TNR: variants seen among roughly 807,000 people sequenced by gnomAD.
TNR encodes tenascin R.
Under a neutral mutation model 150.4 loss-of-function variants are expected in TNR, and 45 were observed. The ratio of observed to expected loss-of-function variants is 0.30; its 90% CI spans 0.24 to 0.38. The LOEUF (loss-of-function observed/expected upper bound fraction) is 0.38. Among genes scored for constraint, TNR ranks in the 10% least tolerant of loss-of-function variants. The pLI is 1.00. For missense variants in TNR, 1,544 were observed against 1,759.1 expected (o/e 0.88, Z 2.19); for synonymous variants, 687 against 678.4 (o/e 1.01, Z -0.20).
chr1:175,485,795 T>C (rs571948074), intron 2 of TNR, among the ~76,000 whole-genome samples: 158 of 152,310 alleles, frequency 1.0e-3, no homozygotes, highest in African/African-American at 3.6e-3. Context: ...GAGCTTGCAA[T>C]GGCTCAGACT....
chr1:175,448,542 G>A (rs1571454680), intron 2 of TNR, among the ~76,000 whole-genome samples: 1 of 152,176 alleles, frequency 6.6e-6, no homozygotes, highest in Admixed American at 6.5e-5. Context: ...CCAGTCTGGT[G>A]GTCAGCAGCT....
intron 2 of TNR, among the ~76,000 whole-genome samples, chr1:175,431,559 C>T (rs1333989673): frequency 6.6e-6 from 1 of 152,182 alleles, no homozygotes; most frequent in Non-Finnish European, 1.5e-5. Flanking sequence ...TCCTAGGAAG[C>T]TCCAGAGTAA....
chr1:175,663,990 C>T (rs990021000), intron 1 of TNR, among the ~76,000 whole-genome samples: 1 of 152,126 alleles, frequency 6.6e-6, no homozygotes, highest in Non-Finnish European at 1.5e-5. Flanking sequence ...AAGTGTGGGT[C>T]CCAGGGGAAG....
At chr1:175,617,900 T>C (rs1373624235) in intron 1 of TNR, among the ~76,000 whole-genome samples, 1 of 152,252 alleles carries the variant, frequency 6.6e-6, no homozygotes, top group Non-Finnish European at 1.5e-5. Context: ...AGGAAACTGA[T>C]ACTCAGAAAG....
chr1:175,492,795 A>G (rs1055636072), intron 2 of TNR, among the ~76,000 whole-genome samples: 1 of 152,170 alleles, frequency 6.6e-6, no homozygotes, highest in African/African-American at 2.4e-5. Context: ...AGGAGTGATT[A>G]GTACATGGGG....
At chr1:175,697,647 T>G (rs1666572079) in intron 1 of TNR, among the ~76,000 whole-genome samples, 1 of 152,184 alleles carries the variant, frequency 6.6e-6, no homozygotes, top group Non-Finnish European at 1.5e-5. Context: ...TCCCCTCACC[T>G]GAGATGGGTT....
chr1:175,353,857 T>TG (rs1052195673), intron 18 of TNR, among the ~76,000 whole-genome samples: 8 of 151,706 alleles, frequency 5.3e-5, no homozygotes, highest in Middle Eastern at 3.2e-3. Flanking sequence ...ATTTATTTTT[T>TG]TTTTTTGAGA....
intron 4 of TNR, among the ~76,000 whole-genome samples, chr1:175,402,566 T>C (rs2102044767): frequency 6.6e-6 from 1 of 152,304 alleles, no homozygotes; most frequent in Admixed American, 6.5e-5. Context: ...TTTATTCCTG[T>C]TTAGATTTAA....
intron 1 of TNR, among the ~76,000 whole-genome samples, chr1:175,623,628 C>T (rs891963341): frequency 6.6e-5 from 10 of 152,240 alleles, no homozygotes; most frequent in Non-Finnish European, 2.9e-5. Flanking sequence ...TGTTTCCTTT[C>T]CATGGAACAC....
intron 8 of TNR, among the ~76,000 whole-genome samples, chr1:175,383,655 G>A (rs751927515): frequency 9.2e-5 from 14 of 152,230 alleles, no homozygotes; most frequent in Non-Finnish European, 1.8e-4. Flanking sequence ...TGTGCAATTA[G>A]TGCACTCCTA....
intron 1 of TNR, among the ~76,000 whole-genome samples, chr1:175,660,523 G>A (rs1298764346): frequency 1.3e-5 from 2 of 152,218 alleles, no homozygotes; most frequent in Non-Finnish European, 2.9e-5. Flanking sequence ...AAAATGCCCT[G>A]TATAGCTCTC....
chr1:175,330,286 A>G (rs752848674), intron 20 of TNR, 51 bp from the exon 21 acceptor site: 2 of 1,444,090 alleles, frequency 1.4e-6, no homozygotes, highest in South Asian at 1.6e-5. Context: ...GCAGCTTTGG[A>G]AAATGGGAGG....
chr1:175,516,986 A>C (rs947192895), intron 2 of TNR, among the ~76,000 whole-genome samples: 1 of 148,572 alleles, frequency 6.7e-6, no homozygotes, highest in African/African-American at 2.5e-5. Context: ...GAGAATTCTG[A>C]AGCACAAATT....
At chr1:175,725,695 G>C (rs573015735) in intron 1 of TNR, among the ~76,000 whole-genome samples, 10 of 152,348 alleles carry the variant, frequency 6.6e-5, no homozygotes, top group African/African-American at 2.4e-4. Context: ...GACGAAGACA[G>C]TTTAAGGTGC....
chr1:175,524,930 C>T (rs192378572), intron 2 of TNR, among the ~76,000 whole-genome samples: 16 of 152,316 alleles, frequency 1.1e-4, no homozygotes, highest in African/African-American at 3.8e-4. Context: ...CCTGGAGGCT[C>T]TGCCAAGACC....
intron 2 of TNR, among the ~76,000 whole-genome samples, chr1:175,476,031 G>A (rs1434139420): frequency 6.6e-6 from 1 of 152,178 alleles, no homozygotes; most frequent in Non-Finnish European, 1.5e-5. Context: ...AAGAGCAAAC[G>A]CAGCCCAAAT....
intron 18 of TNR, among the ~76,000 whole-genome samples, chr1:175,345,705 G>A (rs1650747023): frequency 1.3e-5 from 2 of 151,968 alleles, no homozygotes; most frequent in Non-Finnish European, 2.9e-5. Flanking sequence ...GATAGACTAT[G>A]TATTTCAACA....
chr1:175,400,707 T>C (rs1653667351), intron 4 of TNR, among the ~76,000 whole-genome samples: 1 of 152,180 alleles, frequency 6.6e-6, no homozygotes, highest in African/African-American at 2.4e-5. Context: ...TGGCTCTCAG[T>C]GTTTTCACCT....
intron 1 of TNR, among the ~76,000 whole-genome samples, chr1:175,709,792 C>G (rs891789145): frequency 6.6e-6 from 1 of 152,002 alleles, no homozygotes; most frequent in Admixed American, 6.6e-5. Context: ...GAGCACCCTA[C>G]TGCTTCATTC....
Sources: gnomAD v4.1 joint callset for allele counts (sites outside exome capture counted in the v4.1 genomes callset) on GRCh38, gnomAD v4.1.1 for gene constraint, MANE v1.5 for transcripts, NCBI Gene and HGNC (gene_info 2026-07-23, HGNC 2026-07-21) for gene names.